Variants in ADAM12 observed in about 807,000 individuals in gnomAD.
ADAM12 encodes the protein ADAM metallopeptidase domain 12.
A neutral mutation model predicts 106.4 loss-of-function variants in ADAM12; 70 were observed. That is an observed-to-expected ratio of 0.66 (90% confidence interval 0.54 to 0.80). The LOEUF is 0.80. Among genes scored for constraint, ADAM12 ranks in the 30% least tolerant of loss-of-function variants. The pLI is 0.00. For missense variants in ADAM12, 1,010 were observed against 1,171.9 expected, an observed-to-expected ratio of 0.86 and a Z score of 2.02; for synonymous variants, 420 against 433.5, an observed-to-expected ratio of 0.97 and a Z score of 0.39.
intron 21 of ADAM12, among the ~76,000 whole-genome samples, chr10:126,028,121 T>C (rs1202604703): frequency 1.3e-5 from 2 of 152,130 alleles, no homozygotes; most frequent in African/African-American, 4.8e-5. Flanking sequence ...GGAATGCAGC[T>C]ACAAGGGACA....
chr10:126,268,671 T>C (rs1959148949), intron 3 of ADAM12, among the ~76,000 whole-genome samples: 1 of 152,216 alleles, frequency 6.6e-6, no homozygotes, highest in Admixed American at 6.5e-5. Context: ...GTTGCAGTTT[T>C]CCCATGCATG....
intron 3 of ADAM12, among the ~76,000 whole-genome samples, chr10:126,208,559 A>G (rs188594639): frequency 2.7e-3 from 406 of 152,374 alleles, no homozygotes; most frequent in South Asian, 9.7e-3. Flanking sequence ...GTAAAGAAAA[A>G]TAAATAAAAG....
intron 5 of ADAM12, among the ~76,000 whole-genome samples, chr10:126,131,980 T>G (rs1956312720): frequency 1.8e-5 from 1 of 54,680 alleles, no homozygotes; most frequent in East Asian, 5.1e-4. Context: ...TGAATTCGTG[T>G]TTTTTTTTTT....
At chr10:126,194,761 T>A (rs1342723336) in intron 3 of ADAM12, among the ~76,000 whole-genome samples, 1 of 152,226 alleles carries the variant, frequency 6.6e-6, no homozygotes, top group Non-Finnish European at 1.5e-5. Flanking sequence ...ACCCTGGTTC[T>A]GGGTCTGCAG....
intron 5 of ADAM12, among the ~76,000 whole-genome samples, chr10:126,121,359 T>C (rs1956106072): frequency 8.0e-6 from 1 of 125,520 alleles, no homozygotes; most frequent in Non-Finnish European, 1.6e-5. Flanking sequence ...ACATATATTA[T>C]ATATTACATA....
intron 3 of ADAM12, among the ~76,000 whole-genome samples, chr10:126,200,764 T>C (rs1182332879): frequency 3.3e-5 from 5 of 150,026 alleles, no homozygotes; most frequent in Admixed American, 3.3e-4. Flanking sequence ...GGATTCTCAA[T>C]AGGTTGGAGT....
rs757928810 is a variant in ADAM12 at position 126,155,275 on chromosome 10, G to A, written c.291C>T (p.Thr97=). The A allele has an allele frequency of 8.7e-6, 14 of 1,613,976 alleles. 1 individual carries two copies. In the South Asian group the frequency reaches 1.5e-4, roughly 18 times the overall value. The change falls in exon 4 of 23, where the codon ACC becomes ACT. Residue 97 remains threonine (T), a synonymous_variant. Coordinates refer to ENST00000448723, the MANE Select transcript of ADAM12 (RefSeq NM_001288973.2). ...CATCAGTACCGTCTTGCAGATAGTGGGTTTCCGTGAAACTGCTGGCAATGA... is the reference window on the plus strand; with the variant it reads ...CATCAGTACCGTCTTGCAGATAGTGAGTTTCCGTGAAACTGCTGGCAATGA... ...EGLIASSFTE[T]HYLQDGTDVS... is the part of the protein sequence containing the mutation.
At chr10:126,094,538 T>C (rs1430269899) in intron 10 of ADAM12, among the ~76,000 whole-genome samples, 1 of 152,112 alleles carries the variant, frequency 6.6e-6, no homozygotes, top group African/African-American at 2.4e-5. Flanking sequence ...TTACCTTTGA[T>C]TGAGATGATG....
intron 5 of ADAM12, among the ~76,000 whole-genome samples, chr10:126,124,628 C>T (rs1956169546): frequency 6.6e-6 from 1 of 152,006 alleles, no homozygotes; most frequent in African/African-American, 2.4e-5. Context: ...CATGGTGGCT[C>T]ATGCCTGTAA....
In ADAM12 at chr10:126,048,291, A is replaced by G. The variant is rs536428372; in HGVS notation, c.1917+962T>C. Among the ~76,000 whole-genome samples, 161 of 152,366 alleles carry G rather than the reference A, an allele frequency of 1.1e-3. 2 individuals are homozygous for G. The highest frequency in any genetic ancestry group is 3.7e-3 in the African/African-American group (155 of 41,586). On this transcript the variant is annotated intron_variant, in intron 16 of 22. Transcript: ENST00000448723. Reference sequence around the variant, plus strand: ...CCTGCACATGTACCCCTGAACCTAAAAGTTAAAAGACAAAATATGATTTGA... The same window carrying G: ...CCTGCACATGTACCCCTGAACCTAAGAGTTAAAAGACAAAATATGATTTGA...
At chr10:126,381,536 C>T (rs906919976) in intron 1 of ADAM12, among the ~76,000 whole-genome samples, 2 of 152,088 alleles carry the variant, frequency 1.3e-5, no homozygotes, top group Non-Finnish European at 2.9e-5. Flanking sequence ...CACTCTGTCA[C>T]CCAGGCTGGA....
intron 2 of ADAM12, among the ~76,000 whole-genome samples, chr10:126,315,999 C>G (rs957306197): frequency 2.6e-5 from 4 of 152,198 alleles, no homozygotes; most frequent in Admixed American, 2.6e-4. Flanking sequence ...CAAACGCATT[C>G]CTATTAGCTG....
intron 1 of ADAM12, among the ~76,000 whole-genome samples, chr10:126,334,748 A>G (rs1854637328): frequency 6.6e-6 from 1 of 152,088 alleles, no homozygotes; most frequent in Non-Finnish European, 1.5e-5. Context: ...TTATGAAGGG[A>G]AACAGGAAAG....
chr10:126,066,729 A>C lies in ADAM12; in HGVS notation c.1401T>G (p.Cys467Trp), dbSNP rs778296172. 8.7e-6 allele frequency: 14 copies of C among 1,614,092 alleles called. No individual in the cohort carries two copies. Among genetic ancestry groups the C allele is most frequent in the African/African-American group, 1.3e-5 (1 of 74,950 alleles). The change falls in exon 13 of 23, where the codon TGT becomes TGG. Residue 467 changes from cysteine to tryptophan, a missense_variant. Physicochemically the swap from Cys to Trp is radical, Grantham distance 215. Coordinates refer to ENST00000448723, the MANE Select transcript of ADAM12 (RefSeq NM_001288973.2). This position sits in a 1 kb window ranked among gnomAD's most constrained non-coding sequence, Gnocchi z 5.1. ...TCCGGTGACTCACCTGGCAGTCTTC[A>C]CAGCACAGCCCATGTGCGCACACAG... Reference protein sequence around the residue: ...PDAVCAHGLCCEDCQLKPAGT... With the variant: ...PDAVCAHGLCWEDCQLKPAGT...
chr10:126,221,389 C>CAAAAAAA lies in ADAM12; in HGVS notation c.260+57519_260+57525dup, dbSNP rs35766891. Among the ~76,000 whole-genome samples, 7 of 100,706 alleles carry CAAAAAAA rather than the reference C, an allele frequency of 7.0e-5. No individual in the cohort carries two copies. In the East Asian group the frequency reaches 8.0e-4, roughly 11 times the overall value. The allele number at this position is 100,706 out of a possible 152,430, so 66.1% of individuals were successfully genotyped here. On this transcript the variant is annotated intron_variant, in intron 3 of 22. Coordinates refer to ENST00000448723, the MANE Select transcript of ADAM12 (RefSeq NM_001288973.2). ...TGGGCAACAGAGCAAGACTCTGTCT[C>CAAAAAAA]AAAAAAAAAAAAAAAAAAGAAAGAA... is the stretch of plus-strand genomic sequence containing the variant.
At chr10:126,252,113 A>G (rs1958792961) in intron 3 of ADAM12, among the ~76,000 whole-genome samples, 1 of 36,228 alleles carries the variant, frequency 2.8e-5, no homozygotes, top group Admixed American at 2.3e-4. Context: ...GGATGGATGG[A>G]TGGGATGGAT....
rs372269952 is a variant in ADAM12 at position 126,095,465 on chromosome 10, C to T, written c.997-1332G>A. Among the ~76,000 whole-genome samples the T allele has an allele frequency of 2.4e-4, 31 of 129,036 alleles. 1 individual carries two copies. The highest frequency in any genetic ancestry group is 6.0e-4 in the African/African-American group (21 of 35,164). 84.7% of individuals were successfully genotyped at this position (129,036 alleles called of 152,430 possible). A position where few individuals can be genotyped will look rare whatever the true frequency, so the allele number is the denominator to read the frequency against. ...AGGAGAATGGCGTGAACCCGGGAGG[C>T]GGAGCTTGCAGTGAGCCAAGATCCC... On this transcript the variant is annotated intron_variant, in intron 10 of 22. Coordinates refer to ENST00000448723, the MANE Select transcript of ADAM12 (RefSeq NM_001288973.2).
chr10:126,226,875 T>C (rs1417630732), intron 3 of ADAM12, among the ~76,000 whole-genome samples: 1 of 152,202 alleles, frequency 6.6e-6, no homozygotes. Flanking sequence ...TTTTGCAAAC[T>C]GCACTAAATT....
intron 3 of ADAM12, among the ~76,000 whole-genome samples, chr10:126,189,286 A>G (rs527845844): frequency 1.2e-3 from 179 of 152,328 alleles, no homozygotes; most frequent in Non-Finnish European, 2.0e-3. Context: ...AGGAAAGAGC[A>G]TGGAACATTC....
Sources: allele counts gnomAD v4.1 joint callset (sites outside exome capture counted in the v4.1 genomes callset), GRCh38; gene constraint gnomAD v4.1.1; non-coding constraint Gnocchi (gnomAD v3.1); transcripts MANE v1.5; gene names NCBI Gene and HGNC (gene_info 2026-07-23, HGNC 2026-07-21).